The following PDE10A variants were observed in gnomAD, a reference collection of about 807,000 sequenced individuals.
PDE10A encodes the protein cAMP and cAMP-inhibited cGMP 3',5'-cyclic phosphodiesterase 10A.
A neutral mutation model predicts 97.7 loss-of-function variants in PDE10A; 39 were observed. The observed-to-expected ratio is 0.40, with a 90% confidence interval of 0.31 to 0.52. PDE10A has a LOEUF of 0.52. PDE10A is among the 20% of genes least tolerant of loss of function. PDE10A has a pLI of 0.56. For missense variants in PDE10A, 731 were observed against 1,047.8 expected, an observed-to-expected ratio of 0.70 and a Z score of 4.17; for synonymous variants, 371 against 376.8, an observed-to-expected ratio of 0.98 and a Z score of 0.18.
chr6:165,934,053 G>A lies in PDE10A; in HGVS notation c.-615+53476C>T, dbSNP rs567243769. Among the ~76,000 whole-genome samples, 10 of 150,952 alleles carry A rather than the reference G, an allele frequency of 6.6e-5. No homozygotes were observed. In the East Asian group the frequency reaches 1.7e-3, roughly 26 times the overall value. On this transcript the variant is annotated intron_variant, in intron 1 of 19. Coordinates refer to the PDE10A transcript ENST00000366882. ...AGGCTGAGTGTACTGGTGCCATCTC[G>A]GCTCACTGCAACCTCCGCTTCCCAG...
At chr6:165,416,471 G>T (rs1050676926) in intron 11 of PDE10A, among the ~76,000 whole-genome samples, 190 bp from the exon 12 acceptor site, 1 of 152,166 alleles carries the variant, frequency 6.6e-6, no homozygotes, top group African/African-American at 2.4e-5. Flanking sequence ...CCATTACACA[G>T]TAATCACCTG....
At chr6:165,392,518 A>G in intron 16 of PDE10A, 128 bp downstream of exon 16, 2 of 752,508 alleles carry the variant, frequency 2.7e-6, no homozygotes, top group Non-Finnish European at 4.4e-6. Context: ...ATGGGCTACT[A>G]TTGATTTATT....
At chr6:165,374,252 T>C (rs1784465005) in intron 18 of PDE10A, among the ~76,000 whole-genome samples, 1 of 151,796 alleles carries the variant, frequency 6.6e-6, no homozygotes, top group African/African-American at 2.4e-5. Flanking sequence ...AAAAATTAAA[T>C]CTATAAAAAT....
chr6:165,719,749 G>A (rs1323410437), intron 1 of PDE10A, among the ~76,000 whole-genome samples: 1 of 152,174 alleles, frequency 6.6e-6, no homozygotes, highest in Non-Finnish European at 1.5e-5. Context: ...GTCAGTTCTG[G>A]GACAGATCTG....
At chr6:165,912,450 G>C (rs1356419144) in intron 1 of PDE10A, among the ~76,000 whole-genome samples, 1 of 152,176 alleles carries the variant, frequency 6.6e-6, no homozygotes, top group Non-Finnish European at 1.5e-5. Context: ...ACAAGGCAAC[G>C]CTCCACCTTC....
At chr6:165,455,660 C>T (rs1777912294) in intron 3 of PDE10A, among the ~76,000 whole-genome samples, 1 of 152,178 alleles carries the variant, frequency 6.6e-6, no homozygotes, top group African/African-American at 2.4e-5. Context: ...AGAAGAGGTT[C>T]TCTTAGGTTG....
intron 1 of PDE10A, among the ~76,000 whole-genome samples, chr6:165,709,498 G>A (rs1226354954): frequency 7.9e-5 from 2 of 25,460 alleles, no homozygotes; most frequent in African/African-American, 4.0e-4. Flanking sequence ...ATGCTCCCGC[G>A]CTCCCCCCAA....
intron 1 of PDE10A, among the ~76,000 whole-genome samples, chr6:165,981,095 A>G (rs1208168120): frequency 6.6e-6 from 1 of 152,136 alleles, no homozygotes; most frequent in African/African-American, 2.4e-5. Flanking sequence ...GTTGGGGAGC[A>G]AGAGTTGGCA....
chr6:165,806,599 A>T (rs1779147348), intron 1 of PDE10A, among the ~76,000 whole-genome samples: 1 of 151,484 alleles, frequency 6.6e-6, no homozygotes, highest in African/African-American at 2.4e-5. Context: ...GGACTCTCCT[A>T]TTGCGTCTCT....
chr6:165,503,584 T>C (rs1288065738), intron 2 of PDE10A, among the ~76,000 whole-genome samples: 1 of 152,152 alleles, frequency 6.6e-6, no homozygotes, highest in East Asian at 1.9e-4. Context: ...GGATCAACAT[T>C]GAAAAGCCAA....
At chr6:165,877,974 TC>T (rs1270836625) in intron 1 of PDE10A, among the ~76,000 whole-genome samples, 1 of 152,182 alleles carries the variant, frequency 6.6e-6, no homozygotes, top group African/African-American at 2.4e-5. Flanking sequence ...CACGGGTCTT[TC>T]CAGAGAAAAG....
intron 1 of PDE10A, among the ~76,000 whole-genome samples, chr6:165,829,512 C>A (rs1355888443): frequency 6.6e-6 from 1 of 152,152 alleles, no homozygotes; most frequent in Non-Finnish European, 1.5e-5. Flanking sequence ...AAGATGAGGC[C>A]CCCATCCTGG....
chr6:165,939,996 A>T (rs1783456900), intron 1 of PDE10A: 1 of 152,274 alleles, frequency 6.6e-6, no homozygotes. Context: ...TGGGCAGCAG[A>T]AGAGGTCATA....
rs1785066268 is a variant in PDE10A at position 165,983,018 on chromosome 6, C to T, written c.-615+4511G>A. Among the ~76,000 whole-genome samples, 2 of 151,314 alleles carry T rather than the reference C, an allele frequency of 1.3e-5. 1 individual carries two copies. The highest frequency in any genetic ancestry group is 4.2e-4 in the South Asian group (2 of 4,774). ...GTATAGACTGCACACATGTTGGACA[C>T]AGAGCCAGCTGCTGCCCACAAGAGG... On this transcript the variant is annotated intron_variant, in intron 1 of 19. Coordinates refer to the PDE10A transcript ENST00000366882.
chr6:165,371,812 G>A (rs1292633540), intron 18 of PDE10A, among the ~76,000 whole-genome samples: 1 of 152,028 alleles, frequency 6.6e-6, no homozygotes, highest in Non-Finnish European at 1.5e-5. Context: ...GATGAACATT[G>A]ATGCAAAAAT....
intron 1 of PDE10A, among the ~76,000 whole-genome samples, chr6:165,963,054 T>G (rs1356325722): frequency 6.6e-6 from 1 of 152,218 alleles, no homozygotes; most frequent in Admixed American, 6.5e-5. Flanking sequence ...TGGAAATTTG[T>G]CATATGTTAA....
intron 1 of PDE10A, among the ~76,000 whole-genome samples, chr6:165,673,365 A>C (rs556869255): frequency 6.6e-6 from 1 of 152,336 alleles, no homozygotes; most frequent in East Asian, 1.9e-4. Flanking sequence ...ACTATTCCAA[A>C]GTGAGAAAAG....
At chr6:165,700,875 C>CA (rs1291608026) in intron 1 of PDE10A, among the ~76,000 whole-genome samples, 1 of 152,098 alleles carries the variant, frequency 6.6e-6, no homozygotes, top group Non-Finnish European at 1.5e-5. Flanking sequence ...TACCAATGAG[C>CA]AAAAGTAAGC....
intron 3 of PDE10A, among the ~76,000 whole-genome samples, chr6:165,453,105 G>C (rs1583311930): frequency 6.6e-6 from 1 of 152,258 alleles, no homozygotes; most frequent in East Asian, 1.9e-4. Flanking sequence ...CCATGTCCCA[G>C]GGCTATATAG....
Sources: allele counts gnomAD v4.1 joint callset (sites outside exome capture counted in the v4.1 genomes callset), GRCh38; gene constraint gnomAD v4.1.1; transcripts MANE v1.5; gene names NCBI Gene and HGNC (gene_info 2026-07-23, HGNC 2026-07-21).